The following KANSL1L variants were observed in gnomAD, a reference collection of about 807,000 sequenced individuals.
KANSL1L encodes the protein KAT8 regulatory NSL complex subunit 1-like protein.
A neutral mutation model predicts 108.6 loss-of-function variants in KANSL1L; 25 were observed. The ratio of observed to expected loss-of-function variants is 0.23; its 90% confidence interval spans 0.17 to 0.32. KANSL1L has a LOEUF of 0.32. KANSL1L is among the 10% of genes least tolerant of loss of function. The probability of loss-of-function intolerance (pLI) is 1.00; values close to 1 mark genes in which losing one functional copy is unlikely to be tolerated. For synonymous variants in KANSL1L, 405 were observed against 395.1 expected (o/e 1.03, Z -0.30); for missense variants, 1,137 against 1,125.7 (o/e 1.01, Z -0.14).
chr2:210,024,281 T>C (rs2093903703), intron 13 of KANSL1L, 80 bp from the exon 14 acceptor site: 1 of 1,096,270 alleles, frequency 9.1e-7, no homozygotes, highest in South Asian at 1.9e-5. Flanking sequence ...AAGGTATCAC[T>C]GAGTCAAGTT....
intron 6 of KANSL1L, among the ~76,000 whole-genome samples, chr2:210,059,363 G>A (rs2094395148): frequency 6.6e-6 from 1 of 152,188 alleles, no homozygotes; most frequent in South Asian, 2.1e-4. Context: ...CCCTCCAGCT[G>A]AATGTAGCCA....
At chr2:210,055,002 A>C (rs543216844) in intron 6 of KANSL1L, among the ~76,000 whole-genome samples, 5 of 152,320 alleles carry the variant, frequency 3.3e-5, no homozygotes, top group Admixed American at 1.3e-4. Context: ...TGTATCAGTG[A>C]TACGGTTTGG....
At position 210,040,427 on chromosome 2, in the gene KANSL1L, T is replaced by G. The variant is rs2094151951; in HGVS notation, c.2022A>C (p.Pro674=). ...NKFVDEYIIS[P]SPVHSTLNQW... ...ACTGTAAATGTGACATACCAGGTGA[T>G]GGAGATATGATATATTCATCTACAA... Residue 674 remains proline, a synonymous_variant, in exon 8 of 15, where the codon CCA becomes CCC. Coordinates refer to ENST00000281772, the MANE Select transcript of KANSL1L (RefSeq NM_152519.4). The G allele has an allele frequency of 7.2e-7, 1 of 1,390,872 alleles. No individual in the cohort carries two copies. Among genetic ancestry groups the G allele is most frequent in the African/African-American group, 1.4e-5 (1 of 70,370 alleles). The allele number at this position is 1,390,872 out of a possible 1,614,324, so 86.2% of individuals were successfully genotyped here.
chr2:210,057,634 C>A (rs578029801), intron 6 of KANSL1L, among the ~76,000 whole-genome samples: 7 of 152,086 alleles, frequency 4.6e-5, no homozygotes, highest in Admixed American at 1.3e-4. Flanking sequence ...CCGGGTGTTG[C>A]GGGAAGCCAG....
intron 5 of KANSL1L, among the ~76,000 whole-genome samples, chr2:210,092,665 A>G (rs772247590): frequency 6.6e-5 from 10 of 152,106 alleles, no homozygotes; most frequent in Non-Finnish European, 1.0e-4. Context: ...TGCACTCCTT[A>G]TTCTTACTCT....
chr2:210,152,171 G>C (rs1360003659), intron 2 of KANSL1L: 1 of 152,088 alleles, frequency 6.6e-6, no homozygotes, highest in Non-Finnish European at 1.5e-5. Context: ...TTGTGCCCCT[G>C]TATGTATCCA....
At chr2:210,061,499 G>T (rs1166559671) in intron 6 of KANSL1L, among the ~76,000 whole-genome samples, 1 of 152,142 alleles carries the variant, frequency 6.6e-6, no homozygotes, top group African/African-American at 2.4e-5. Flanking sequence ...AATTGCAAGT[G>T]AAATTTTAAA....
chr2:210,153,582 T>A lies in KANSL1L; in HGVS notation c.1001A>T (p.His334Leu), dbSNP rs1402878755. Reference protein sequence around the residue: ...FAFSATGLLSHVEEGLDSDAT... With the variant: ...FAFSATGLLSLVEEGLDSDAT... ...ATCGGAATCCAAACCCTCTTCAACA[T>A]GAGACAACAGCCCTGTAGCAGAAAA... Residue 334 changes from histidine to leucine, a missense_variant, in exon 2 of 15, where the codon CAT becomes CTT. Around this residue, in one of 3 missense-constraint regions of KANSL1L, gnomAD observed 556 missense variants for 537.7 expected, o/e 1.03. Transcript: ENST00000281772. 9 of 1,613,940 alleles carry A rather than the reference T, an allele frequency of 5.6e-6. No individual in the cohort carries two copies. Among genetic ancestry groups the A allele is most frequent in the Non-Finnish European group, 7.6e-6 (9 of 1,179,832 alleles).
chr2:210,060,233 A>G (rs1222643677), intron 6 of KANSL1L, among the ~76,000 whole-genome samples: 1 of 152,238 alleles, frequency 6.6e-6, no homozygotes, highest in East Asian at 1.9e-4. Context: ...GGATTATTTT[A>G]TTAAACCACT....
At chr2:210,104,030 G>T in intron 4 of KANSL1L, 74 bp downstream of exon 4, 2 of 1,127,354 alleles carry the variant, frequency 1.8e-6, no homozygotes, top group South Asian at 1.3e-5. Context: ...CACATATAAT[G>T]ATGTTTATTT....
At chr2:210,144,440 T>A (rs906285126) in intron 2 of KANSL1L, among the ~76,000 whole-genome samples, 35 of 152,340 alleles carry the variant, frequency 2.3e-4, no homozygotes, top group Admixed American at 2.2e-3. Context: ...ATTGCTATAA[T>A]GTGAACATTA....
intron 3 of KANSL1L, 136 bp downstream of exon 3, chr2:210,128,895 T>A (rs941765842): frequency 2.6e-5 from 16 of 622,010 alleles, no homozygotes; most frequent in Middle Eastern, 4.4e-4. Flanking sequence ...CAATTTATAA[T>A]AATATATCAA....
chr2:210,140,996 T>C (rs1293570394), intron 2 of KANSL1L, among the ~76,000 whole-genome samples: 1 of 152,134 alleles, frequency 6.6e-6, no homozygotes, highest in African/African-American at 2.4e-5. Context: ...AATTTATTTC[T>C]AACATTGTTT....
At chr2:210,130,001 A>AC (rs934381706) in intron 2 of KANSL1L, among the ~76,000 whole-genome samples, 10 of 151,842 alleles carry the variant, frequency 6.6e-5, no homozygotes, top group Non-Finnish European at 1.2e-4. Context: ...AAAAAAAAAA[A>AC]AAAACTGACA....
chr2:210,078,931 A>G (rs11893789), intron 5 of KANSL1L, among the ~76,000 whole-genome samples: 2,571 of 152,282 alleles, frequency 0.017, 78 homozygotes, highest in African/African-American at 0.059. Context: ...AAAAAAAATA[A>G]GGTTTATCTC....
rs1376164873 is a variant in KANSL1L, at chr2:210,023,157, G to A, written c.2756C>T (p.Ala919Val). The change falls in exon 15 of 15, where the codon GCT becomes GTT. Residue 919 changes from alanine (A) to valine (V), a missense_variant. Ala to Val is a moderately conservative substitution (Grantham distance 64, BLOSUM62 0). Transcript: ENST00000281772. ...CATGTCTTCACCCTTCAGTGGAAAA[G>A]CCCGTCGTTCCCACCACAAAGACTG... ...ETKSLWWERRAFPLKGEDMAA... is the reference protein window; with the variant it reads ...ETKSLWWERRVFPLKGEDMAA... 1 of 1,613,806 alleles carries A rather than the reference G, an allele frequency of 6.2e-7. No individual in the cohort carries two copies. The highest frequency in any genetic ancestry group is 2.2e-5 in the East Asian group (1 of 44,882).
chr2:210,152,670 G>C (rs1021541069), intron 2 of KANSL1L: 1 of 152,108 alleles, frequency 6.6e-6, no homozygotes, highest in South Asian at 2.1e-4. Context: ...GTTATACTAA[G>C]CTAGCAAAAA....
intron 5 of KANSL1L, among the ~76,000 whole-genome samples, chr2:210,096,141 T>C (rs974482622): frequency 6.6e-6 from 1 of 152,122 alleles, no homozygotes; most frequent in African/African-American, 2.4e-5. Context: ...CAGTAGCTGA[T>C]TCCAACAAAA....
chr2:210,134,208 G>A (rs1198147332), intron 2 of KANSL1L, among the ~76,000 whole-genome samples: 1 of 152,000 alleles, frequency 6.6e-6, no homozygotes, highest in Non-Finnish European at 1.5e-5. Flanking sequence ...TTACATTTCA[G>A]ATATTTTTAG....
Sources: gnomAD v4.1 joint callset for allele counts (sites outside exome capture counted in the v4.1 genomes callset) on GRCh38, gnomAD v4.1.1 for gene constraint, gnomAD v4.1.1 regional missense constraint, MANE v1.5 for transcripts, NCBI Gene and HGNC (gene_info 2026-07-23, HGNC 2026-07-21) for gene names.